Variants in RYR3 observed in about 807,000 individuals in gnomAD.
RYR3 encodes ryanodine receptor 3.
A neutral mutation model predicts 584.3 loss-of-function variants in RYR3; 207 were observed. The ratio of observed to expected loss-of-function variants is 0.35; its 90% CI spans 0.32 to 0.40. The LOEUF is 0.40. RYR3 is among the 10% of genes least tolerant of loss of function. The pLI, the probability that RYR3 is intolerant of heterozygous loss-of-function variation, is 1.00. For synonymous variants in RYR3, 2,416 were observed against 2,248.5 expected (o/e 1.07, Z -2.11); for missense variants, 5,616 against 6,089.2 (o/e 0.92, Z 2.59).
chr15:33,657,166 A>G (rs559132892), intron 32 of RYR3, among the ~76,000 whole-genome samples: 3 of 152,136 alleles, frequency 2.0e-5, no homozygotes, highest in Admixed American at 1.3e-4. Flanking sequence ...GTGAGACTAT[A>G]CTCTGCGTGG....
chr15:33,652,681 G>T (rs767573580), intron 31 of RYR3, 37 bp from the exon 32 acceptor site: 1 of 1,603,518 alleles, frequency 6.2e-7, no homozygotes, highest in South Asian at 1.1e-5. Flanking sequence ...AACTGCCCCA[G>T]TCCAGATTCT....
At chr15:33,680,046 C>T (rs921178568) in intron 38 of RYR3, among the ~76,000 whole-genome samples, 3 of 152,200 alleles carry the variant, frequency 2.0e-5, no homozygotes, top group African/African-American at 7.2e-5. Context: ...CAAACTCTGA[C>T]ATTCACTAAT....
At chr15:33,709,151 A>G (rs1240788034) in intron 43 of RYR3, among the ~76,000 whole-genome samples, 1 of 152,234 alleles carries the variant, frequency 6.6e-6, no homozygotes, top group Non-Finnish European at 1.5e-5. Flanking sequence ...AGCCGTGTCT[A>G]GTTTTGGCAA....
In RYR3 at chr15:33,644,216, A is replaced by G. The variant is rs1231819667; in HGVS notation, c.3557-95A>G. The stretch of plus-strand genomic sequence containing the variant: ...GTTGTGTCACATCTTTCCTACTGGG[A>G]GTCAAAGCCCTTAAGGAAGCAAAGA... On this transcript the variant is annotated intron_variant, in intron 27 of 103. Transcript: ENST00000634891. The G allele has an allele frequency of 8.1e-6, 7 of 869,226 alleles. No individual in the cohort carries two copies. In the African/African-American group the frequency reaches 1.2e-4, roughly 15 times the overall value. 53.8% of individuals were successfully genotyped at this position (869,226 alleles called of 1,614,324 possible).
chr15:33,431,776 C>T lies in RYR3; in HGVS notation c.52-41643C>T, dbSNP rs542342673. 7.2e-4 allele frequency among the ~76,000 whole-genome samples: 109 copies of T among 152,056 alleles called. 2 individuals are homozygous for T. In the South Asian group the frequency reaches 0.02, roughly 27 times the overall value. ...TGAGGGCGACAACAGAGATAGAAGA[C>T]GGAGGATAATCATAGAGGATTTAGC... On this transcript the variant is annotated intron_variant, in intron 1 of 103. Transcript: ENST00000634891.
intron 18 of RYR3, among the ~76,000 whole-genome samples, chr15:33,608,918 C>T (rs1386517008): frequency 6.6e-6 from 1 of 152,222 alleles, no homozygotes; most frequent in African/African-American, 2.4e-5. Context: ...CATATTTCCT[C>T]TGGAGGGCAT....
chr15:33,339,153 T>C (rs1971497983), intron 1 of RYR3, among the ~76,000 whole-genome samples: 1 of 152,242 alleles, frequency 6.6e-6, no homozygotes, highest in South Asian at 2.1e-4. Flanking sequence ...TTAGGACTAC[T>C]GCACACTCGG....
chr15:33,843,805 G>A (rs957255716), intron 92 of RYR3, among the ~76,000 whole-genome samples: 5 of 152,270 alleles, frequency 3.3e-5, no homozygotes, highest in East Asian at 1.9e-4. Context: ...TATTTTAGTC[G>A]TTGCTTAGTC....
At position 33,731,666 on chromosome 15, in the gene RYR3, A is replaced by G; in HGVS notation, c.7396A>G (p.Ile2466Val). 2 of 1,612,810 alleles carry G rather than the reference A, an allele frequency of 1.2e-6. No homozygotes were observed. The highest frequency in any genetic ancestry group is 1.7e-6 in the Non-Finnish European group (2 of 1,178,912). Residue 2466 changes from isoleucine to valine, a missense_variant, in exon 48 of 104, where the codon ATA (isoleucine) becomes GTA (valine). Around this residue, in one of 9 missense-constraint regions of RYR3, gnomAD observed 1,280 missense variants for 1,426.2 expected, o/e 0.90. Transcript: ENST00000634891. ...RSLTKAQRDT[I>V]EECLLAICNH... ...CCTCACCAAAGCACAAAGGGACACT[A>G]TAGAAGAATGTTTGCTTGCCATTTG...
intron 60 of RYR3, among the ~76,000 whole-genome samples, chr15:33,762,113 A>G (rs2072504249): frequency 6.6e-6 from 1 of 152,210 alleles, no homozygotes; most frequent in Non-Finnish European, 1.5e-5. Flanking sequence ...ATATCTCAAA[A>G]TAATAGCTAT....
At chr15:33,448,544 T>C (rs1441114440) in intron 1 of RYR3, among the ~76,000 whole-genome samples, 2 of 152,240 alleles carry the variant, frequency 1.3e-5, no homozygotes, top group Non-Finnish European at 1.5e-5. Context: ...TGAAGGTGGC[T>C]GAGCACTAAC....
chr15:33,864,614 G>C (rs766392620), intron 103 of RYR3: 19 of 175,598 alleles, frequency 1.1e-4, no homozygotes, highest in Non-Finnish European at 2.1e-4. Flanking sequence ...ATGAGTGAAA[G>C]GATGTGTCAA....
intron 1 of RYR3, among the ~76,000 whole-genome samples, chr15:33,342,910 T>C (rs1001082504): frequency 1.2e-4 from 18 of 152,202 alleles, no homozygotes; most frequent in African/African-American, 4.3e-4. Context: ...ATATGACATA[T>C]AAGGTATCTA....
intron 50 of RYR3, 24 bp downstream of exon 50, chr15:33,738,614 A>G: frequency 6.2e-7 from 1 of 1,613,076 alleles, no homozygotes; most frequent in African/African-American, 1.3e-5. Context: ...TTTCTGAACA[A>G]AAAGAGAGCA....
intron 1 of RYR3, among the ~76,000 whole-genome samples, chr15:33,416,112 GC>G (rs2043793608): frequency 6.6e-6 from 1 of 152,012 alleles, no homozygotes; most frequent in African/African-American, 2.4e-5. Context: ...ATTGATGGGC[GC>G]CCAGGCTGAT....
chr15:33,783,242 C>G (rs1050353018), intron 65 of RYR3, among the ~76,000 whole-genome samples: 3 of 152,152 alleles, frequency 2.0e-5, no homozygotes, highest in Non-Finnish European at 4.4e-5. Flanking sequence ...CATTTTCAGC[C>G]GGTCTCCAGG....
At position 33,437,825 on chromosome 15, in the gene RYR3, C is replaced by T. The variant is rs144268108; in HGVS notation, c.52-35594C>T. On this transcript the variant is annotated intron_variant, in intron 1 of 103. Coordinates refer to ENST00000634891, the MANE Select transcript of RYR3 (RefSeq NM_001036.6). ...ATGGCTCACTGCTGCCTCAATCACC[C>T]GGGCTCAAGTGTTCCTCCCACCTCA... Among the ~76,000 whole-genome samples the T allele has an allele frequency of 6.1e-3, 934 of 152,258 alleles. 7 individuals carry two copies. The highest frequency in any genetic ancestry group is 0.021 in the African/African-American group (884 of 41,530).
At chr15:33,395,939 A>G (rs1567157926) in intron 1 of RYR3, among the ~76,000 whole-genome samples, 2 of 152,148 alleles carry the variant, frequency 1.3e-5, no homozygotes, top group Admixed American at 6.5e-5. Context: ...TGCAGATTCA[A>G]CCAACTGCAG....
At chr15:33,852,019 A>AG (rs2079153903) in intron 94 of RYR3, 1 of 150,574 alleles carries the variant, frequency 6.6e-6, no homozygotes, top group African/African-American at 2.4e-5. Flanking sequence ...AAAAAAAAAA[A>AG]CATTTTTTTT....
Sources: allele counts gnomAD v4.1 joint callset (sites outside exome capture counted in the v4.1 genomes callset), GRCh38; gene constraint gnomAD v4.1.1; regional missense constraint gnomAD v4.1.1; transcripts MANE v1.5; gene names NCBI Gene and HGNC (gene_info 2026-07-23, HGNC 2026-07-21).